SREK1IP1: variants seen among roughly 807,000 people sequenced by gnomAD.
SREK1IP1 encodes the protein SREK1 interacting protein 1.
SREK1IP1 carries 12 observed loss-of-function variants against 22.8 expected under a neutral mutation model. That is an observed-to-expected ratio of 0.53 (90% confidence interval 0.34 to 0.85). The LOEUF is 0.85. SREK1IP1 is among the 40% of genes least tolerant of loss of function. SREK1IP1 has a pLI of 0.02. For missense variants in SREK1IP1, 147 were observed against 171.8 expected (o/e 0.86, Z 0.81); for synonymous variants, 53 against 52.7 (o/e 1.01, Z -0.02).
At chr5:64,748,720 T>C (rs1010267759) in intron 2 of SREK1IP1, among the ~76,000 whole-genome samples, 6 of 152,108 alleles carry the variant, frequency 3.9e-5, no homozygotes, top group African/African-American at 1.4e-4. Context: ...CACAACTCTA[T>C]GGGATTAGGT....
intron 3 of SREK1IP1, among the ~76,000 whole-genome samples, chr5:64,731,205 A>G (rs1350815575): frequency 6.6e-6 from 1 of 152,174 alleles, no homozygotes; most frequent in African/African-American, 2.4e-5. Flanking sequence ...TTGTCAGGTC[A>G]TTCACAGGTC....
intron 1 of SREK1IP1, among the ~76,000 whole-genome samples, chr5:64,758,031 C>T (rs1044252986): frequency 2.6e-5 from 4 of 151,264 alleles, no homozygotes; most frequent in Non-Finnish European, 5.9e-5. Flanking sequence ...CGCCACCACG[C>T]CAGGCTAATT....
rs1742164258 is a variant in SREK1IP1, at chr5:64,721,643, G to A, written c.*2741C>T. 1 of 151,598 alleles carries A rather than the reference G, an allele frequency of 6.6e-6. No homozygotes were observed. 9.4% of individuals were successfully genotyped at this position (151,598 alleles called of 1,614,324 possible). ...AACCCAAAAATAATGGCCATAAAGTGCCAGATAATCTAGTTCCAGATGCAA... is the reference window on the plus strand; with the variant it reads ...AACCCAAAAATAATGGCCATAAAGTACCAGATAATCTAGTTCCAGATGCAA... On this transcript the variant is annotated 3_prime_UTR_variant, in exon 5 of 5. Transcript: ENST00000513458.
In SREK1IP1 at chr5:64,735,654, T is replaced by A. The variant is rs1482800910; in HGVS notation, c.205+5403A>T. Among the ~76,000 whole-genome samples the A allele has an allele frequency of 3.9e-5, 6 of 152,252 alleles. No homozygotes were observed. In the East Asian group the frequency reaches 1.2e-3, roughly 29 times the overall value. On this transcript the variant is annotated intron_variant, in intron 3 of 4. Transcript: ENST00000513458. ...GTTATCCAATTTATTGGCATAAAGT[T>A]CTTTAAAACTTTATCTTCTCCCTTT...
chr5:64,729,664 A>G (rs946402548), intron 3 of SREK1IP1, among the ~76,000 whole-genome samples: 8 of 152,172 alleles, frequency 5.3e-5, no homozygotes, highest in African/African-American at 1.9e-4. Context: ...CAGGGGAATA[A>G]TAAAGTAACT....
intron 2 of SREK1IP1, among the ~76,000 whole-genome samples, chr5:64,753,208 T>C (rs1217945490): frequency 6.6e-6 from 1 of 152,174 alleles, no homozygotes; most frequent in African/African-American, 2.4e-5. Flanking sequence ...GACTGGGAAA[T>C]CCATTCCAGA....
At position 64,721,971 on chromosome 5, in the gene SREK1IP1, G is replaced by C. The variant is rs1742170787; in HGVS notation, c.*2413C>G. The C allele has an allele frequency of 6.6e-6, 1 of 152,064 alleles. No individual in the cohort carries two copies. Among genetic ancestry groups the C allele is most frequent in the African/African-American group, 2.4e-5 (1 of 41,410 alleles). 9.4% of individuals were successfully genotyped at this position (152,064 alleles called of 1,614,324 possible). A position where few individuals can be genotyped will look rare whatever the true frequency, so the allele number is the denominator to read the frequency against. On this transcript the variant is annotated 3_prime_UTR_variant, in exon 5 of 5. Transcript: ENST00000513458. ...AAGTGACTTTGTTCAAGATCATACA[G>C]GTAGTTAGAATGACCAGGACTGTTT... is the stretch of plus-strand genomic sequence containing the variant.
In SREK1IP1 at chr5:64,727,549, A is replaced by T. The variant is rs866218242; in HGVS notation, c.278+558T>A. 4.1e-3 allele frequency: 482 copies of T among 118,968 alleles called. 5 individuals are homozygous for T. The highest frequency in any genetic ancestry group is 0.021 in the African/African-American group (438 of 20,956). The allele number at this position is 118,968 out of a possible 1,614,324, so 7.4% of individuals were successfully genotyped here. ...TAATTACATATATATATATATATAT[A>T]TATATTTTTTTTTTTTTGGTGGGCG... On this transcript the variant is annotated intron_variant, in intron 4 of 4. Transcript: ENST00000513458.
At chr5:64,756,051 T>C (rs1211151836) in intron 1 of SREK1IP1, among the ~76,000 whole-genome samples, 2 of 152,152 alleles carry the variant, frequency 1.3e-5, no homozygotes, top group Non-Finnish European at 2.9e-5. Flanking sequence ...CCAGTTCTGA[T>C]AAATATTTAC....
At position 64,768,527 on chromosome 5, in the gene SREK1IP1, A is replaced by G; in HGVS notation, c.-10T>C. On this transcript the variant is annotated 5_prime_UTR_variant, in exon 1 of 5. Coordinates refer to ENST00000513458, the MANE Select transcript of SREK1IP1 (RefSeq NM_173829.4). ...TACCTGGGACTGCCATGACGGTGGTAAGAGGGGTAACTCGAGCCTCTGGCT... is the reference window on the plus strand; with the variant it reads ...TACCTGGGACTGCCATGACGGTGGTGAGAGGGGTAACTCGAGCCTCTGGCT... The G allele has an allele frequency of 6.2e-7, 1 of 1,614,140 alleles. No individual in the cohort carries two copies. Among genetic ancestry groups the G allele is most frequent in the Non-Finnish European group, 8.5e-7 (1 of 1,180,026 alleles).
At position 64,718,462 on chromosome 5, in the gene SREK1IP1, C is replaced by T. The variant is rs1028955065; in HGVS notation, c.*5922G>A. 2.6e-5 allele frequency: 4 copies of T among 152,626 alleles called. No individual in the cohort carries two copies. Among genetic ancestry groups the T allele is most frequent in the African/African-American group, 7.2e-5 (3 of 41,438 alleles). The allele number at this position is 152,626 out of a possible 1,614,324, so 9.5% of individuals were successfully genotyped here. The stretch of plus-strand genomic sequence containing the variant: ...CTAGAGGTGACTTGTTCTTAAATCT[C>T]TTAGAAGTCAACCCACATCTTTTTA... On this transcript the variant is annotated 3_prime_UTR_variant, in exon 5 of 5. Coordinates refer to ENST00000513458, the MANE Select transcript of SREK1IP1 (RefSeq NM_173829.4).
In SREK1IP1 at chr5:64,721,488, CAGAG is replaced by C. The variant is rs964273476; in HGVS notation, c.*2892_*2895del. 2 of 151,292 alleles carry C rather than the reference CAGAG, an allele frequency of 1.3e-5. No individual in the cohort carries two copies. Among genetic ancestry groups the C allele is most frequent in the South Asian group, 4.2e-4 (2 of 4,794 alleles). 9.4% of individuals were successfully genotyped at this position (151,292 alleles called of 1,614,324 possible). A position where few individuals can be genotyped will look rare whatever the true frequency, so the allele number is the denominator to read the frequency against. ...TTCTCATTTATTGTTGTTTTGACCTCAGAGAGTCAAAGATGTAAATGGAGATGTA... is the reference window on the plus strand; with the variant it reads ...TTCTCATTTATTGTTGTTTTGACCTCAGTCAAAGATGTAAATGGAGATGTA... On this transcript the variant is annotated 3_prime_UTR_variant, in exon 5 of 5. Transcript: ENST00000513458.
chr5:64,765,604 T>C (rs1280518728), intron 1 of SREK1IP1, among the ~76,000 whole-genome samples: 1 of 152,224 alleles, frequency 6.6e-6, no homozygotes, highest in African/African-American at 2.4e-5. Flanking sequence ...TTTACAGCAC[T>C]GTCACACCTA....
At chr5:64,725,486 G>A (rs577452630) in intron 4 of SREK1IP1, among the ~76,000 whole-genome samples, 1 of 152,232 alleles carries the variant, frequency 6.6e-6, no homozygotes, top group East Asian at 1.9e-4. Flanking sequence ...AATCTGAGAC[G>A]GATATAAAGG....
intron 1 of SREK1IP1, among the ~76,000 whole-genome samples, chr5:64,758,210 C>G (rs987455754): frequency 2.0e-5 from 3 of 152,004 alleles, no homozygotes; most frequent in African/African-American, 7.2e-5. Context: ...GCTCTATCAC[C>G]CAAGCTGGAG....
chr5:64,767,028 C>T (rs886698716), intron 1 of SREK1IP1, among the ~76,000 whole-genome samples: 1 of 152,160 alleles, frequency 6.6e-6, no homozygotes, highest in Admixed American at 6.5e-5. Context: ...AAATATTAGT[C>T]AATATTAGCT....
chr5:64,748,568 CAT>C (rs1742683854), intron 2 of SREK1IP1, among the ~76,000 whole-genome samples: 1 of 152,136 alleles, frequency 6.6e-6, no homozygotes, highest in Non-Finnish European at 1.5e-5. Context: ...AACCAGAGTT[CAT>C]ATCTCAGTTT....
At chr5:64,755,178 A>G (rs1246695725) in intron 1 of SREK1IP1, among the ~76,000 whole-genome samples, 1 of 151,934 alleles carries the variant, frequency 6.6e-6, no homozygotes, top group Non-Finnish European at 1.5e-5. Flanking sequence ...TTAAAACAGC[A>G]CTATCATTCG....
At chr5:64,752,637 A>T (rs1742770008) in intron 2 of SREK1IP1, among the ~76,000 whole-genome samples, 1 of 152,222 alleles carries the variant, frequency 6.6e-6, no homozygotes, top group Admixed American at 6.5e-5. Flanking sequence ...TACAATCTGA[A>T]CAACTATTTT....
Sources: gnomAD v4.1 joint callset for allele counts (sites outside exome capture counted in the v4.1 genomes callset) on GRCh38, gnomAD v4.1.1 for gene constraint, MANE v1.5 for transcripts, NCBI Gene and HGNC (gene_info 2026-07-23, HGNC 2026-07-21) for gene names.